The following SEMA6D variants were observed in gnomAD, a reference collection of about 807,000 sequenced individuals.
SEMA6D encodes semaphorin-6D.
SEMA6D carries 35 observed loss-of-function variants against 106.6 expected under a neutral mutation model. The observed-to-expected ratio is 0.33, with a 90% CI of 0.25 to 0.44. The LOEUF (loss-of-function observed/expected upper bound fraction) is 0.44, where lower values mean the gene tolerates loss of function less well. SEMA6D is among the 20% of genes least tolerant of loss of function. The pLI is 1.00. For synonymous variants in SEMA6D, 499 were observed against 487.7 expected (o/e 1.02, Z -0.31); for missense variants, 1,185 against 1,345.9 (o/e 0.88, Z 1.87).
At position 47,277,119 on chromosome 15, in the gene SEMA6D, G is replaced by A. The variant is rs184622339; in HGVS notation, c.-239+92701G>A. Among the ~76,000 whole-genome samples, 1,351 of 152,196 alleles carry A rather than the reference G, an allele frequency of 8.9e-3. 5 individuals carry two copies. The highest frequency in any genetic ancestry group is 0.014 in the Non-Finnish European group (976 of 67,988). ...TGCAATTTCATGATATAACGTTAAT[G>A]GATGAGGAGTTGCTTCTTATGGGTG... is the stretch of plus-strand genomic sequence containing the variant. On this transcript the variant is annotated intron_variant, in intron 1 of 19. Transcript: ENST00000558014.
chr15:47,721,223 G>T (rs978630497), intron 1 of SEMA6D, among the ~76,000 whole-genome samples: 3 of 152,246 alleles, frequency 2.0e-5, no homozygotes, highest in African/African-American at 4.8e-5. Flanking sequence ...TTCTTTAGAA[G>T]TGTATTATTT....
chr15:47,220,312 C>A (rs1480192914), intron 1 of SEMA6D, among the ~76,000 whole-genome samples: 1 of 152,170 alleles, frequency 6.6e-6, no homozygotes, highest in Non-Finnish European at 1.5e-5. Context: ...TTTAGTTCTT[C>A]ATTAATCTGT....
At chr15:47,499,713 G>A (rs896746264) in intron 3 of SEMA6D, among the ~76,000 whole-genome samples, 11 of 152,148 alleles carry the variant, frequency 7.2e-5, no homozygotes, top group African/African-American at 2.6e-4. Context: ...GAAACAAAAG[G>A]TTCTTTAAAT....
At chr15:47,199,040 C>G (rs980782248) in intron 1 of SEMA6D, among the ~76,000 whole-genome samples, 1 of 152,136 alleles carries the variant, frequency 6.6e-6, no homozygotes, top group Admixed American at 6.6e-5. Flanking sequence ...TTGGTTTTGC[C>G]TTTGTGCCTC....
intron 4 of SEMA6D, among the ~76,000 whole-genome samples, chr15:47,609,315 G>A (rs1440700122): frequency 1.3e-5 from 2 of 152,148 alleles, no homozygotes; most frequent in Non-Finnish European, 2.9e-5. Context: ...ATGCTGCAGT[G>A]GAAAAACCAT....
intron 1 of SEMA6D, among the ~76,000 whole-genome samples, chr15:47,213,013 A>T (rs773357740): frequency 2.4e-4 from 36 of 152,266 alleles, no homozygotes; most frequent in Non-Finnish European, 4.3e-4. Flanking sequence ...TGGAACCCGC[A>T]TAAGGGATCC....
chr15:47,316,093 A>ATT (rs1003488019), intron 1 of SEMA6D, among the ~76,000 whole-genome samples: 1 of 14,866 alleles, frequency 6.7e-5, no homozygotes, highest in Non-Finnish European at 1.4e-4. Flanking sequence ...TCAGTATGCC[A>ATT]TTTATTTCCT....
At chr15:47,578,160 G>C (rs1413309988) in intron 3 of SEMA6D, among the ~76,000 whole-genome samples, 1 of 152,136 alleles carries the variant, frequency 6.6e-6, no homozygotes, top group Non-Finnish European at 1.5e-5. Context: ...AGTGGAACAG[G>C]GATTCTCTGA....
At chr15:47,766,395 G>A (rs1455663166) in intron 15 of SEMA6D, among the ~76,000 whole-genome samples, 1 of 151,842 alleles carries the variant, frequency 6.6e-6, no homozygotes, top group Non-Finnish European at 1.5e-5. Context: ...GAAATGGATG[G>A]AGAGAAAAAA....
intron 3 of SEMA6D, among the ~76,000 whole-genome samples, chr15:47,513,561 T>A (rs1304218205): frequency 1.3e-5 from 2 of 151,992 alleles, no homozygotes; most frequent in African/African-American, 4.8e-5. Context: ...CAATCTAAAC[T>A]CCTATTAACA....
chr15:47,416,892 G>A (rs1055967171), intron 2 of SEMA6D, among the ~76,000 whole-genome samples: 1 of 152,036 alleles, frequency 6.6e-6, no homozygotes, highest in Admixed American at 6.6e-5. Context: ...AGGAACCCGA[G>A]AACCGCCATA....
chr15:47,467,396 G>T (rs1040338517), intron 2 of SEMA6D, among the ~76,000 whole-genome samples: 1 of 152,110 alleles, frequency 6.6e-6, no homozygotes, highest in African/African-American at 2.4e-5. Context: ...TAAACATGTC[G>T]GTATTAATGC....
chr15:47,255,343 G>A (rs1242957815), intron 1 of SEMA6D, among the ~76,000 whole-genome samples: 1 of 151,338 alleles, frequency 6.6e-6, no homozygotes, highest in Non-Finnish European at 1.5e-5. Flanking sequence ...TTTTTTCTTA[G>A]TGTAGCTAAA....
chr15:47,715,568 C>G (rs762385852), upstream of SEMA6D, among the ~76,000 whole-genome samples: 18 of 152,280 alleles, frequency 1.2e-4, no homozygotes, highest in Non-Finnish European at 1.3e-4. Context: ...ATATAGGGAT[C>G]GACTCCGAAG....
chr15:47,464,209 A>G (rs2042594860), intron 2 of SEMA6D, among the ~76,000 whole-genome samples: 1 of 152,096 alleles, frequency 6.6e-6, no homozygotes, highest in Non-Finnish European at 1.5e-5. Context: ...ACAATCCCTC[A>G]TCAGTAAGAT....
intron 3 of SEMA6D, among the ~76,000 whole-genome samples, chr15:47,479,808 G>A (rs1052961795): frequency 6.6e-6 from 1 of 150,936 alleles, no homozygotes; most frequent in Non-Finnish European, 1.5e-5. Context: ...TAAGTGGTTT[G>A]CAATTTCATT....
intron 4 of SEMA6D, among the ~76,000 whole-genome samples, chr15:47,650,126 A>G (rs530829377): frequency 6.6e-6 from 1 of 152,298 alleles, no homozygotes; most frequent in East Asian, 1.9e-4. Context: ...CCTCCCAGCA[A>G]TCCTGAGAAG....
At chr15:47,621,983 A>AGTGTGGGAT (rs1400092913) in intron 4 of SEMA6D, among the ~76,000 whole-genome samples, 1 of 152,144 alleles carries the variant, frequency 6.6e-6, no homozygotes, top group Non-Finnish European at 1.5e-5. Context: ...GTCTCCTAAA[A>AGTGTGGGAT]GTGTGGGATA....
At chr15:47,338,140 A>C (rs1024137435) in intron 1 of SEMA6D, among the ~76,000 whole-genome samples, 1 of 152,200 alleles carries the variant, frequency 6.6e-6, no homozygotes, top group African/African-American at 2.4e-5. Context: ...AGACTGACAC[A>C]GTAGCAATTA....
Sources: allele counts gnomAD v4.1 joint callset (sites outside exome capture counted in the v4.1 genomes callset), GRCh38; gene constraint gnomAD v4.1.1; transcripts MANE v1.5; gene names NCBI Gene and HGNC (gene_info 2026-07-23, HGNC 2026-07-21).